HYCC2: variants seen among roughly 807,000 people sequenced by gnomAD.
HYCC2 encodes hyccin PI4KA lipid kinase complex subunit 2, also known as hyccin 2.
the HYCC2 span, among the ~76,000 whole-genome samples, chr2:201,033,426 C>G: frequency 1.4e-5 from 2 of 144,988 alleles, no homozygotes; most frequent in East Asian, 2.0e-4. Flanking sequence ...TTTTTTGAGA[C>G]GGAGTCTCCC....
At chr2:201,021,460 CT>C in the HYCC2 span, 1 of 153,652 alleles carries the variant, frequency 6.5e-6, no homozygotes, top group South Asian at 2.1e-4. Flanking sequence ...ATGAGAATAG[CT>C]TTTTTAATGT....
the HYCC2 span, among the ~76,000 whole-genome samples, chr2:201,006,807 G>A: frequency 6.6e-6 from 1 of 152,056 alleles, no homozygotes; most frequent in African/African-American, 2.4e-5. Flanking sequence ...TATAATATTG[G>A]TCATATGTAT....
At chr2:201,022,203 A>G in the HYCC2 span, 1 of 633,640 alleles carries the variant, frequency 1.6e-6, no homozygotes, top group African/African-American at 1.9e-5. Context: ...ACTGTATGTC[A>G]TACTACTGTG....
At chr2:201,004,265 T>A in the HYCC2 span, among the ~76,000 whole-genome samples, 4 of 152,128 alleles carry the variant, frequency 2.6e-5, no homozygotes, top group African/African-American at 2.4e-5. Context: ...GAAGCGTGCA[T>A]AAGTAGGATA....
At chr2:201,017,111 A>C in the HYCC2 span, 2 of 1,613,896 alleles carry the variant, frequency 1.2e-6, no homozygotes, top group Non-Finnish European at 1.7e-6. Flanking sequence ...TGAACCTCTT[A>C]AGTCGAACCT....
chr2:201,016,758 C>T, the HYCC2 span, among the ~76,000 whole-genome samples: 4 of 152,118 alleles, frequency 2.6e-5, no homozygotes, highest in East Asian at 7.7e-4. Context: ...CACCACCATG[C>T]TCAGCTAATT....
the HYCC2 span, among the ~76,000 whole-genome samples, chr2:201,039,971 G>C: frequency 4.6e-5 from 7 of 152,178 alleles, no homozygotes; most frequent in East Asian, 1.4e-3. Flanking sequence ...TCAGGAGATC[G>C]AGACCATCCT....
At chr2:200,992,808 G>A in the HYCC2 span, 77 of 884,374 alleles carry the variant, frequency 8.7e-5, no homozygotes, top group Non-Finnish European at 1.1e-4. Flanking sequence ...GTATTGTGTC[G>A]GATAAGGAAG....
chr2:201,034,205 G>A, the HYCC2 span, among the ~76,000 whole-genome samples: 1 of 152,054 alleles, frequency 6.6e-6, no homozygotes, highest in Non-Finnish European at 1.5e-5. Flanking sequence ...TTTTAAGACA[G>A]TAATTTATTA....
At chr2:201,021,757 A>G in the HYCC2 span, 1 of 238,262 alleles carries the variant, frequency 4.2e-6, no homozygotes. Context: ...GAGCAAAACA[A>G]GGGGTAGGGA....
chr2:200,996,899 C>G, the HYCC2 span: 109 of 152,298 alleles, frequency 7.2e-4, 1 homozygote, highest in African/African-American at 2.5e-3. Context: ...CTAAACAACC[C>G]TAGATTTGGA....
chr2:201,010,094 ACT>A, the HYCC2 span, among the ~76,000 whole-genome samples: 3 of 144,500 alleles, frequency 2.1e-5, no homozygotes, highest in African/African-American at 7.8e-5. Context: ...ACAGAGCGAG[ACT>A]CTGTCTCAAA....
the HYCC2 span, among the ~76,000 whole-genome samples, chr2:201,018,617 A>G: frequency 6.6e-6 from 1 of 152,224 alleles, no homozygotes; most frequent in African/African-American, 2.4e-5. Flanking sequence ...TATACATCCT[A>G]GTCTAGTAAA....
the HYCC2 span, among the ~76,000 whole-genome samples, chr2:201,010,305 A>G: frequency 5.9e-5 from 9 of 152,322 alleles, no homozygotes; most frequent in East Asian, 1.4e-3. Flanking sequence ...TAAGCAAATT[A>G]ATAGTGCAAA....
the HYCC2 span, among the ~76,000 whole-genome samples, chr2:201,042,822 C>T: frequency 6.9e-6 from 1 of 145,560 alleles, no homozygotes; most frequent in Admixed American, 6.8e-5. Context: ...AGTGGGGAGC[C>T]CCTCTGCCCG....
the HYCC2 span, among the ~76,000 whole-genome samples, chr2:201,069,977 A>G: frequency 6.6e-6 from 1 of 152,210 alleles, no homozygotes; most frequent in South Asian, 2.1e-4. Flanking sequence ...GGAAAATTGT[A>G]GAGTTGCTGA....
the HYCC2 span, chr2:200,975,965 C>G: frequency 6.6e-6 from 1 of 152,150 alleles, no homozygotes; most frequent in East Asian, 1.9e-4. Flanking sequence ...ATCAATATGA[C>G]CATCTTGGCA....
chr2:201,008,997 C>G, the HYCC2 span: 1 of 1,612,660 alleles, frequency 6.2e-7, no homozygotes, highest in Non-Finnish European at 8.5e-7. Flanking sequence ...GAATGTTTCC[C>G]TCTGAGGATG....
At chr2:200,991,761 A>T in the HYCC2 span, among the ~76,000 whole-genome samples, 21 of 151,776 alleles carry the variant, frequency 1.4e-4, no homozygotes, top group South Asian at 2.9e-3. Flanking sequence ...TAAAAAATTT[A>T]AAAAAACTGA....
Sources: allele counts gnomAD v4.1 joint callset (sites outside exome capture counted in the v4.1 genomes callset), GRCh38; gene constraint gnomAD v4.1.1; transcripts MANE v1.5; gene names NCBI Gene and HGNC (gene_info 2026-07-23, HGNC 2026-07-21).